Variants in IL1RAPL2 observed in about 807,000 individuals in gnomAD.
IL1RAPL2 encodes X-linked interleukin-1 receptor accessory protein-like 2.
Under a neutral mutation model 44.1 loss-of-function variants are expected in IL1RAPL2, and 3 were observed. The ratio of observed to expected loss-of-function variants is 0.07; its 90% CI spans 0.03 to 0.18. The LOEUF (loss-of-function observed/expected upper bound fraction) is 0.18. Among genes scored for constraint, IL1RAPL2 ranks in the 10% least tolerant of loss-of-function variants. IL1RAPL2 has a pLI of 1.00. For missense variants in IL1RAPL2, 391 were observed against 496.4 expected, an observed-to-expected ratio of 0.79 and a Z score of 2.02; for synonymous variants, 181 against 178.8, an observed-to-expected ratio of 1.01 and a Z score of -0.10.
rs184422162 is a variant in IL1RAPL2, at chrX:105,666,365, A to G, written c.773-51002A>G. Among the ~76,000 whole-genome samples the G allele has an allele frequency of 4.9e-3, 542 of 110,868 alleles. 7 individuals are homozygous for G. The highest frequency in any genetic ancestry group is 0.017 in the African/African-American group (515 of 30,424). ...TGCACTGAATATACCAGCATTTATTATTAAGTTTAGTGAGGGCGGGGGTAG... is the reference window on the plus strand; with the variant it reads ...TGCACTGAATATACCAGCATTTATTGTTAAGTTTAGTGAGGGCGGGGGTAG... On this transcript the variant is annotated intron_variant, in intron 6 of 10. Coordinates refer to ENST00000372582, the MANE Select transcript of IL1RAPL2 (RefSeq NM_017416.2).
intron 2 of IL1RAPL2, among the ~76,000 whole-genome samples, chrX:104,671,571 T>C (rs1258100867): frequency 8.9e-6 from 1 of 111,919 alleles, no homozygotes; most frequent in African/African-American, 3.3e-5. Context: ...ATACTGGAAC[T>C]GGTCATATTG....
intron 2 of IL1RAPL2, among the ~76,000 whole-genome samples, chrX:104,931,992 A>AT (rs1234074475): frequency 1.0e-3 from 32 of 31,331 alleles, no homozygotes; most frequent in Admixed American, 7.9e-3. Flanking sequence ...ATATATATAT[A>AT]TATATTTTTT....
In IL1RAPL2 at chrX:105,295,521, T is replaced by C. The variant is rs191131160; in HGVS notation, c.697+27980T>C. On this transcript the variant is annotated intron_variant, in intron 5 of 10. Transcript: ENST00000372582. ...ACTTAGACTAAATCTACGGCAATAT[T>C]TTTCAAGCCATGAGTTACATGACCC... is the stretch of plus-strand genomic sequence containing the variant. Among the ~76,000 whole-genome samples, 468 of 111,874 alleles carry C rather than the reference T, an allele frequency of 4.2e-3. 1 individual carries two copies. The highest frequency in any genetic ancestry group is 0.014 in the Middle Eastern group (3 of 217).
chrX:105,026,191 C>A (rs185067265), intron 2 of IL1RAPL2, among the ~76,000 whole-genome samples: 1 of 110,908 alleles, frequency 9.0e-6, no homozygotes, highest in East Asian at 2.9e-4. Flanking sequence ...GTTAGGCTAA[C>A]CTTTAGTGAA....
At chrX:105,012,976 G>C (rs2031092558) in intron 2 of IL1RAPL2, among the ~76,000 whole-genome samples, 1 of 110,678 alleles carries the variant, frequency 9.0e-6, no homozygotes, top group Non-Finnish European at 1.9e-5. Flanking sequence ...GTTTCTCAAA[G>C]TGTGGCCAGG....
At chrX:105,531,857 G>A (rs966454152) in intron 6 of IL1RAPL2, among the ~76,000 whole-genome samples, 5 of 111,663 alleles carry the variant, frequency 4.5e-5, no homozygotes, top group Admixed American at 1.9e-4. Flanking sequence ...TCCAGCAACA[G>A]GTTCACTGTA....
rs1341857627 is a variant in IL1RAPL2 at position 104,758,968 on chromosome X, A to G, written c.82+99973A>G. Among the ~76,000 whole-genome samples the G allele has an allele frequency of 4.5e-5, 5 of 112,159 alleles. No homozygotes were observed. In the East Asian group the frequency reaches 1.4e-3, roughly 31 times the overall value. ...TGAAATCAAAGTTAGAACAGTAGAT[A>G]TAATCTATATTCACCCCCAGCCTCC... On this transcript the variant is annotated intron_variant, in intron 2 of 10. Coordinates refer to ENST00000372582, the MANE Select transcript of IL1RAPL2 (RefSeq NM_017416.2).
chrX:105,060,585 C>CTTTTTTTTTTTT (rs1161187469), intron 2 of IL1RAPL2, among the ~76,000 whole-genome samples: 276 of 69,396 alleles, frequency 4.0e-3, no homozygotes, highest in East Asian at 5.2e-3. Context: ...TTTTCTTTTT[C>CTTTTTTTTTTTT]TTTTTTTTTT....
At chrX:104,925,052 C>T (rs892683750) in intron 2 of IL1RAPL2, among the ~76,000 whole-genome samples, 3 of 109,902 alleles carry the variant, frequency 2.7e-5, no homozygotes, top group Middle Eastern at 9.5e-3. Flanking sequence ...AAGGAATCAT[C>T]AGATATCACT....
At chrX:105,715,004 T>A in intron 6 of IL1RAPL2, among the ~76,000 whole-genome samples, 1 of 112,187 alleles carries the variant, frequency 8.9e-6, no homozygotes, top group South Asian at 3.7e-4. Flanking sequence ...TTAAAATATG[T>A]CTTACAACTG....
chrX:105,489,278 T>G (rs1419661810), intron 6 of IL1RAPL2, among the ~76,000 whole-genome samples: 1 of 109,617 alleles, frequency 9.1e-6, no homozygotes, highest in East Asian at 2.8e-4. Context: ...AAATAAACCT[T>G]GACTATACCA....
At chrX:104,905,989 G>A (rs1457180587) in intron 2 of IL1RAPL2, among the ~76,000 whole-genome samples, 1 of 109,586 alleles carries the variant, frequency 9.1e-6, no homozygotes, top group East Asian at 2.9e-4. Flanking sequence ...TTGAGCAGTG[G>A]TTTGTAGTTC....
At chrX:104,917,734 G>C (rs1182684281) in intron 2 of IL1RAPL2, among the ~76,000 whole-genome samples, 2 of 111,981 alleles carry the variant, frequency 1.8e-5, no homozygotes, top group African/African-American at 6.5e-5. Context: ...ATAAATGAGT[G>C]TTCCCAGCTG....
At chrX:104,793,529 T>C (rs1479998281) in intron 2 of IL1RAPL2, among the ~76,000 whole-genome samples, 2 of 112,372 alleles carry the variant, frequency 1.8e-5, no homozygotes, top group East Asian at 2.8e-4. Context: ...TTTCTCATGA[T>C]AATTGGGTTG....
intron 5 of IL1RAPL2, among the ~76,000 whole-genome samples, chrX:105,446,857 T>C (rs1334939037): frequency 9.4e-6 from 1 of 106,015 alleles, no homozygotes; most frequent in African/African-American, 3.4e-5. Flanking sequence ...CTATTCTGTG[T>C]TTTTCTGTGC....
At chrX:105,617,247 A>G (rs1030470869) in intron 6 of IL1RAPL2, among the ~76,000 whole-genome samples, 5 of 110,886 alleles carry the variant, frequency 4.5e-5, no homozygotes, top group Non-Finnish European at 9.4e-5. Flanking sequence ...TGAATGGCCA[A>G]CTCGATGAGG....
chrX:104,677,369 C>T (rs6523793), intron 2 of IL1RAPL2, among the ~76,000 whole-genome samples: 1 of 108,634 alleles, frequency 9.2e-6, no homozygotes, highest in Non-Finnish European at 1.9e-5. Flanking sequence ...TGAGGTGTCA[C>T]TGTGCCCCTG....
rs1187155099 is a variant in IL1RAPL2 at position 105,754,862 on chromosome X, T to C, written c.1193-315T>C. Among the ~76,000 whole-genome samples the C allele has an allele frequency of 2.4e-4, 27 of 112,520 alleles. No homozygotes were observed. In the Admixed American group the frequency reaches 2.5e-3, roughly 11 times the overall value. On this transcript the variant is annotated intron_variant, in intron 9 of 10. Transcript: ENST00000372582. ...GTTAAATCCATGACTTTGGTCTATT[T>C]AGTCCTGCATTCAAACACACTGAGC...
At chrX:104,963,657 G>C (rs189392448) in intron 2 of IL1RAPL2, among the ~76,000 whole-genome samples, 55 of 111,120 alleles carry the variant, frequency 4.9e-4, no homozygotes, top group Admixed American at 1.9e-3. Context: ...TCCTGAAACA[G>C]ATGACAACTT....
Sources: allele counts gnomAD v4.1 joint callset (sites outside exome capture counted in the v4.1 genomes callset), GRCh38; gene constraint gnomAD v4.1.1; transcripts MANE v1.5; gene names NCBI Gene and HGNC (gene_info 2026-07-23, HGNC 2026-07-21).